CDH12: variants seen among roughly 807,000 people sequenced by gnomAD.
The protein encoded by CDH12 is cadherin 12, also known as cadherin-12.
In CDH12, 41 loss-of-function variants were observed where a neutral mutation model predicts 74.1. The observed-to-expected ratio is 0.55, with a 90% CI of 0.43 to 0.72. CDH12 has a LOEUF of 0.72. Ranked by LOEUF, CDH12 falls within the 30% of genes least tolerant of loss-of-function variation. The pLI is 0.00. For missense variants in CDH12, 945 were observed against 977.2 expected (o/e 0.97, Z 0.44); for synonymous variants, 399 against 355.0 (o/e 1.12, Z -1.39).
intron 3 of CDH12, among the ~76,000 whole-genome samples, chr5:22,374,027 A>AT (rs1473590554): frequency 1.3e-5 from 2 of 152,210 alleles, no homozygotes; most frequent in Non-Finnish European, 2.9e-5. Flanking sequence ...CTACCGGCCC[A>AT]TATCTCTGAT....
Position 22,832,205 on chromosome 5 carries a change from G to C in CDH12, c.-523+20853C>G, listed in dbSNP as rs144439990. 2.0e-3 allele frequency among the ~76,000 whole-genome samples: 299 copies of C among 152,196 alleles called. 2 individuals carry two copies. Among genetic ancestry groups the C allele is most frequent in the African/African-American group, 7.1e-3 (293 of 41,514 alleles). On this transcript the variant is annotated intron_variant, in intron 1 of 14. Coordinates refer to ENST00000382254, the MANE Select transcript of CDH12 (RefSeq NM_004061.5). ...TGACATCAAACTTTTTTGAGACTTG[G>C]CACCTTCATATACAGAATGGAAAAT...
At chr5:22,269,157 T>C (rs1736268773) in intron 3 of CDH12, among the ~76,000 whole-genome samples, 1 of 152,178 alleles carries the variant, frequency 6.6e-6, no homozygotes, top group Admixed American at 6.6e-5. Context: ...AAACACTTCT[T>C]GACAAAGAAT....
At chr5:21,827,174 A>G (rs1317220965) in intron 8 of CDH12, among the ~76,000 whole-genome samples, 1 of 152,164 alleles carries the variant, frequency 6.6e-6, no homozygotes, top group African/African-American at 2.4e-5. Context: ...TTGTCTGCCC[A>G]CTTCTGTTGA....
intron 3 of CDH12, among the ~76,000 whole-genome samples, chr5:22,220,585 T>TGTAA (rs1360582920): frequency 8.4e-6 from 1 of 119,542 alleles, no homozygotes; most frequent in African/African-American, 2.7e-5. Flanking sequence ...TTATAAGAAG[T>TGTAA]GTAAGCTTGA....
At chr5:22,694,740 C>G (rs1308370719) in intron 1 of CDH12, among the ~76,000 whole-genome samples, 1 of 151,308 alleles carries the variant, frequency 6.6e-6, no homozygotes, top group Non-Finnish European at 1.5e-5. Flanking sequence ...TTTCAATTTC[C>G]TTTTAAATTA....
At chr5:22,154,109 C>CA (rs201274222) in intron 4 of CDH12, among the ~76,000 whole-genome samples, 58,109 of 148,078 alleles carry the variant, frequency 0.39, 12,541 homozygotes, top group East Asian at 0.73. Flanking sequence ...GGTGTAATGA[C>CA]AAAAAAATTG....
chr5:22,356,029 G>T (rs1740549993), intron 3 of CDH12, among the ~76,000 whole-genome samples: 1 of 152,102 alleles, frequency 6.6e-6, no homozygotes, highest in South Asian at 2.1e-4. Context: ...TTAATATTAA[G>T]GTAATGAAAT....
chr5:21,909,993 G>C (rs148495942), intron 6 of CDH12, among the ~76,000 whole-genome samples: 1 of 152,236 alleles, frequency 6.6e-6, no homozygotes, highest in African/African-American at 2.4e-5. Flanking sequence ...TTTGGTCACG[G>C]AGAGAAAATA....
chr5:21,761,471 T>C (rs780945482), intron 12 of CDH12, among the ~76,000 whole-genome samples: 1 of 152,142 alleles, frequency 6.6e-6, no homozygotes, highest in Non-Finnish European at 1.5e-5. Flanking sequence ...GGAAGTGTTA[T>C]GTGAGAGATG....
intron 5 of CDH12, among the ~76,000 whole-genome samples, chr5:21,995,781 T>C (rs1054364475): frequency 3.9e-5 from 6 of 151,964 alleles, no homozygotes; most frequent in Non-Finnish European, 7.4e-5. Context: ...CTCAACATAA[T>C]TTTTGTTTCA....
chr5:22,613,592 A>G (rs1737527627), intron 1 of CDH12, among the ~76,000 whole-genome samples: 1 of 152,132 alleles, frequency 6.6e-6, no homozygotes, highest in African/African-American at 2.4e-5. Context: ...TTCGACTGCC[A>G]AAACATCTTT....
chr5:22,045,831 T>C (rs1341370237), intron 5 of CDH12, among the ~76,000 whole-genome samples: 2 of 152,092 alleles, frequency 1.3e-5, no homozygotes, highest in Non-Finnish European at 2.9e-5. Flanking sequence ...TGTTTAACAG[T>C]TACAAATTTA....
intron 4 of CDH12, among the ~76,000 whole-genome samples, chr5:22,136,209 C>T (rs1417733239): frequency 2.0e-5 from 3 of 151,848 alleles, no homozygotes; most frequent in Admixed American, 6.6e-5. Flanking sequence ...GAGGTAAATG[C>T]AGGCTCAACC....
intron 4 of CDH12, among the ~76,000 whole-genome samples, chr5:22,190,401 T>A (rs1032487038): frequency 6.8e-6 from 1 of 146,988 alleles, no homozygotes; most frequent in Non-Finnish European, 1.5e-5. Flanking sequence ...TCTATCTATC[T>A]ATCCTCTATC....
In CDH12 at chr5:22,804,186, G is replaced by A. The variant is rs144262810; in HGVS notation, c.-523+48872C>T. Among the ~76,000 whole-genome samples, 986 of 152,084 alleles carry A rather than the reference G, an allele frequency of 6.5e-3. 10 individuals carry two copies. Among genetic ancestry groups the A allele is most frequent in the African/African-American group, 0.023 (954 of 41,492 alleles). On this transcript the variant is annotated intron_variant, in intron 1 of 14. Transcript: ENST00000382254. Reference sequence around the variant, plus strand: ...CTATAGTATTTGGCGGCCACTAAATGGGAAACAGAATAATGATAGTGAAGA... The same window carrying A: ...CTATAGTATTTGGCGGCCACTAAATAGGAAACAGAATAATGATAGTGAAGA...
At chr5:22,381,254 C>A (rs1224641183) in intron 3 of CDH12, among the ~76,000 whole-genome samples, 10 of 151,938 alleles carry the variant, frequency 6.6e-5, no homozygotes, top group Non-Finnish European at 1.5e-5. Context: ...TTATACACAT[C>A]TCCAAATACA....
chr5:22,776,393 C>T (rs1747106919), intron 1 of CDH12, among the ~76,000 whole-genome samples: 2 of 152,012 alleles, frequency 1.3e-5, no homozygotes, highest in South Asian at 4.1e-4. Context: ...GATCCCTGTC[C>T]GTCCTTGAGG....
intron 6 of CDH12, among the ~76,000 whole-genome samples, chr5:21,972,336 T>C (rs1756887552): frequency 6.6e-6 from 1 of 152,156 alleles, no homozygotes; most frequent in Admixed American, 6.5e-5. Flanking sequence ...CAAACACTGA[T>C]ATCTACAACA....
intron 5 of CDH12, among the ~76,000 whole-genome samples, chr5:21,997,924 G>C (rs1030968728): frequency 1.3e-5 from 2 of 152,074 alleles, no homozygotes; most frequent in African/African-American, 4.8e-5. Flanking sequence ...GGAGCTAAAA[G>C]TTATTGTATG....
Sources: gnomAD v4.1 joint callset for allele counts (sites outside exome capture counted in the v4.1 genomes callset) on GRCh38, gnomAD v4.1.1 for gene constraint, MANE v1.5 for transcripts, NCBI Gene and HGNC (gene_info 2026-07-23, HGNC 2026-07-21) for gene names.